The following NLRC3 variants were observed in gnomAD, a reference collection of about 807,000 sequenced individuals.
NLRC3 encodes the protein NLR family CARD domain-containing protein 3.
In NLRC3, 87 loss-of-function variants were observed where a neutral mutation model predicts 91.6. The ratio of observed to expected loss-of-function variants is 0.95; its 90% CI spans 0.80 to 1.14. The LOEUF (loss-of-function observed/expected upper bound fraction) is 1.14, where lower values mean the gene tolerates loss of function less well. NLRC3 is among the 50% of genes most tolerant of loss of function. NLRC3 has a pLI of 0.00. For missense variants in NLRC3, 1,577 were observed against 1,418.6 expected (o/e 1.11, Z -1.79); for synonymous variants, 694 against 625.3 (o/e 1.11, Z -1.64).
In NLRC3 at chr16:3,552,180, C is replaced by A. The variant is rs1260700968; in HGVS notation, c.2351+16G>T. ...GGGCACTGAGGATACTAGTGTGGGCCTTTCATATGTCTCACATGAGCTCTT... is the reference window on the plus strand; with the variant it reads ...GGGCACTGAGGATACTAGTGTGGGCATTTCATATGTCTCACATGAGCTCTT... On this transcript the variant is annotated intron_variant, in intron 10 of 19. Coordinates refer to ENST00000359128, the MANE Select transcript of NLRC3 (RefSeq NM_178844.4). 1.3e-6 allele frequency: 2 copies of A among 1,521,710 alleles called. No individual in the cohort carries two copies. Among genetic ancestry groups the A allele is most frequent in the African/African-American group, 1.4e-5 (1 of 73,004 alleles). The allele number at this position is 1,521,710 out of a possible 1,614,324, so 94.3% of individuals were successfully genotyped here.
In NLRC3 at chr16:3,548,715, G is replaced by A; in HGVS notation, c.2642C>T (p.Ala881Val). The A allele has an allele frequency of 6.2e-7, 1 of 1,604,282 alleles. No homozygotes were observed. Among genetic ancestry groups the A allele is most frequent in the Non-Finnish European group, 8.5e-7 (1 of 1,175,702 alleles). ...GTTTTCTCTCACTGCCACTGCGATG[G>A]CCCGGGCACCCTGGTCGTGGAGGAG... ...ANLLHDQGAR[A>V]IAVAVRENRT... The change falls in exon 14 of 20, where the codon GCC becomes GTC. Residue 881 changes from alanine to valine, a missense_variant. By Grantham distance (64) the Ala-to-Val change is moderately conservative. Coordinates refer to ENST00000359128, the MANE Select transcript of NLRC3 (RefSeq NM_178844.4).
rs1204224897 is a variant in NLRC3, at chr16:3,564,473, A to G, written c.464T>C (p.Val155Ala). 6.2e-6 allele frequency: 10 copies of G among 1,612,442 alleles called. No homozygotes were observed. Among genetic ancestry groups the G allele is most frequent in the Non-Finnish European group, 6.8e-6 (8 of 1,179,878 alleles). ...GGCCCAGAGGCGGACGAAGTGCCTCACCAGGGTGGTCTTGCCCATGCCGGC... is the reference window on the plus strand; with the variant it reads ...GGCCCAGAGGCGGACGAAGTGCCTCGCCAGGGTGGTCTTGCCCATGCCGGC... Reference protein sequence around the residue: ...GVAGMGKTTLVRHFVRLWAHG... With the variant: ...GVAGMGKTTLARHFVRLWAHG... The change falls in exon 5 of 20, where the codon GTG becomes GCG. Residue 155 changes from valine (V) to alanine (A), a missense_variant. By Grantham distance (64) the Val-to-Ala change is moderately conservative. Transcript: ENST00000359128. The surrounding 1 kb of genome is among the most constrained non-coding windows in gnomAD (Gnocchi z 5.9).
rs2038572308 is a variant in NLRC3, at chr16:3,544,333, G to C, written c.2772-4C>G. The C allele has an allele frequency of 6.2e-7, 1 of 1,609,552 alleles. No homozygotes were observed. Among genetic ancestry groups the C allele is most frequent in the Non-Finnish European group, 8.5e-7 (1 of 1,176,130 alleles). On this transcript the variant is annotated splice_polypyrimidine_tract_variant and splice_region_variant and intron_variant, in intron 15 of 19. Coordinates refer to ENST00000359128, the MANE Select transcript of NLRC3 (RefSeq NM_178844.4). ...CCCGATGGCGTTCTCCTGTAAACTA[G>C]ACACAGAGTATGACCCCTTTGGGTG...
At chr16:3,546,931 A>G (rs2038722228) in intron 15 of NLRC3, among the ~76,000 whole-genome samples, 2 of 152,190 alleles carry the variant, frequency 1.3e-5, no homozygotes, top group South Asian at 4.1e-4. Context: ...GACGAGGCCC[A>G]GACAGAGGGG....
intron 9 of NLRC3, among the ~76,000 whole-genome samples, chr16:3,553,568 T>C (rs1417035312): frequency 6.6e-6 from 1 of 152,236 alleles, no homozygotes; most frequent in Non-Finnish European, 1.5e-5. Context: ...TGCTTGGCTC[T>C]AGAAAAGTGA....
Position 3,565,368 on chromosome 16 carries a change from C to A in NLRC3, c.-74G>T. On this transcript the variant is annotated 5_prime_UTR_variant, in exon 3 of 20. Coordinates refer to ENST00000359128, the MANE Select transcript of NLRC3 (RefSeq NM_178844.4). ...GAGTCACCTCTCTGCGCCTTGGTGT[C>A]TTCATTTGTGACCTGGAAATGATGA... is the stretch of plus-strand genomic sequence containing the variant. 2 of 524,880 alleles carry A rather than the reference C, an allele frequency of 3.8e-6. No individual in the cohort carries two copies. The highest frequency in any genetic ancestry group is 7.2e-6 in the Non-Finnish European group (2 of 276,044). The allele number at this position is 524,880 out of a possible 1,614,324, so 32.5% of individuals were successfully genotyped here.
intron 8 of NLRC3, among the ~76,000 whole-genome samples, chr16:3,555,537 A>G: frequency 6.6e-6 from 1 of 151,992 alleles, no homozygotes; most frequent in East Asian, 1.9e-4. Context: ...AACATTGTGA[A>G]TTTGCTCAAT....
chr16:3,561,722 G>T lies in NLRC3; in HGVS notation c.1995C>A (p.Asp665Glu). 5 of 1,613,178 alleles carry T rather than the reference G, an allele frequency of 3.1e-6. No homozygotes were observed. Among genetic ancestry groups the T allele is most frequent in the Non-Finnish European group, 4.2e-6 (5 of 1,179,312 alleles). ...ELLGSVLSGK[D>E]CRIQKISLAE... Reference sequence around the variant, plus strand: ...GTTACCTGATCTTCTGAATGCGACAGTCCTTCCCACTCAGCACGCTGCCCA... The same window carrying T: ...GTTACCTGATCTTCTGAATGCGACATTCCTTCCCACTCAGCACGCTGCCCA... The change falls in exon 6 of 20, where the codon GAC becomes GAA. Residue 665 changes from aspartate (D) to glutamate (E), a missense_variant. Coordinates refer to ENST00000359128, the MANE Select transcript of NLRC3 (RefSeq NM_178844.4).
intron 1 of NLRC3, among the ~76,000 whole-genome samples, chr16:3,575,182 A>G (rs1251748533): frequency 3.9e-5 from 6 of 152,114 alleles, no homozygotes; most frequent in African/African-American, 1.4e-4. Context: ...TGTCCCTAAG[A>G]AGGACAGAGG....
chr16:3,556,909 ACCT>A lies in NLRC3; in HGVS notation c.2182_2183+1del, dbSNP rs1596466481. The A allele has an allele frequency of 6.2e-7, 1 of 1,609,936 alleles. No homozygotes were observed. Among genetic ancestry groups the A allele is most frequent in the South Asian group, 1.1e-5 (1 of 90,922 alleles). Reference sequence around the variant, plus strand: ...ACAACACAGGGAGCAGGTGACACACACCTCAGGGAGGTCAGGGTGCGGTTGATC... The same window carrying A: ...ACAACACAGGGAGCAGGTGACACACACAGGGAGGTCAGGGTGCGGTTGATC... On this transcript the variant is annotated splice_donor_variant and coding_sequence_variant, in exon 8 of 20. Transcript: ENST00000359128. LOFTEE classifies it high-confidence loss of function.
At chr16:3,545,435 G>A (rs1270722395) in intron 15 of NLRC3, 2 of 152,058 alleles carry the variant, frequency 1.3e-5, no homozygotes, top group African/African-American at 2.4e-5. Flanking sequence ...AGGAGGTGGA[G>A]GTTGCAGTAA....
intron 1 of NLRC3, among the ~76,000 whole-genome samples, chr16:3,574,200 A>G (rs2040201054): frequency 6.6e-6 from 1 of 151,554 alleles, no homozygotes. Flanking sequence ...ATTTTTGTAG[A>G]GACAGGGTTT....
intron 16 of NLRC3, chr16:3,543,784 G>T: frequency 2.1e-6 from 1 of 470,554 alleles, no homozygotes; most frequent in Non-Finnish European, 3.9e-6. Flanking sequence ...CTCTCTAGGT[G>T]TTTGAGCCCC....
intron 17 of NLRC3, chr16:3,543,114 G>A: frequency 2.1e-6 from 1 of 483,150 alleles, no homozygotes. Context: ...GGACATGCCT[G>A]AGCCTCAGAG....
chr16:3,565,469 C>CAAA (rs57860901), intron 2 of NLRC3, 89 bp from the exon 3 acceptor site: 13 of 44,860 alleles, frequency 2.9e-4, no homozygotes, highest in Non-Finnish European at 4.3e-4. Context: ...TGGGAAAAAG[C>CAAA]AAAAAAAAAA....
At chr16:3,569,487 C>G (rs1390165223) in intron 1 of NLRC3, among the ~76,000 whole-genome samples, 2 of 141,942 alleles carry the variant, frequency 1.4e-5, no homozygotes, top group East Asian at 4.3e-4. Context: ...TAGCCTCTAC[C>G]TCCCATGTTC....
intron 2 of NLRC3, among the ~76,000 whole-genome samples, chr16:3,566,101 CAAAAAAAAA>C (rs1027448717): frequency 0.022 from 475 of 21,304 alleles, 2 homozygotes; most frequent in Non-Finnish European, 0.029. Context: ...GAGCAAAAAG[CAAAAAAAAA>C]AAAAAAAAAA....
At chr16:3,569,951 A>G (rs1490291749) in intron 1 of NLRC3, among the ~76,000 whole-genome samples, 5 of 152,222 alleles carry the variant, frequency 3.3e-5, no homozygotes, top group Admixed American at 1.3e-4. Flanking sequence ...TGTGTTCTGC[A>G]TATTCTGTTA....
chr16:3,554,740 A>C (rs1005474525), intron 8 of NLRC3, among the ~76,000 whole-genome samples: 1 of 152,218 alleles, frequency 6.6e-6, no homozygotes, highest in Non-Finnish European at 1.5e-5. Context: ...TGGGTTGACC[A>C]TGTGACCCAG....
Sources: gnomAD v4.1 joint callset for allele counts (sites outside exome capture counted in the v4.1 genomes callset) on GRCh38, gnomAD v4.1.1 for gene constraint, Gnocchi (gnomAD v3.1) non-coding constraint, MANE v1.5 for transcripts, NCBI Gene and HGNC (gene_info 2026-07-23, HGNC 2026-07-21) for gene names.